NFIB: variants seen among roughly 807,000 people sequenced by gnomAD.
NFIB encodes nuclear factor I B, also known as nuclear factor 1 B-type.
NFIB carries 11 observed loss-of-function variants against 61.5 expected under a neutral mutation model. The ratio of observed to expected loss-of-function variants is 0.18; its 90% CI spans 0.11 to 0.30. The LOEUF (loss-of-function observed/expected upper bound fraction) is 0.30. NFIB is among the 10% of genes least tolerant of loss of function. The probability of loss-of-function intolerance (pLI) is 1.00; values close to 1 mark genes in which losing one functional copy is unlikely to be tolerated. For missense variants in NFIB, 471 were observed against 608.9 expected (o/e 0.77, Z 2.38); for synonymous variants, 260 against 216.5 (o/e 1.20, Z -1.76).
chr9:14,349,327 G>A (rs978471928), intron 1 of NFIB, among the ~76,000 whole-genome samples: 3 of 152,142 alleles, frequency 2.0e-5, no homozygotes, highest in African/African-American at 7.2e-5. Context: ...AGAATGGCAC[G>A]TATTTAACAA....
At chr9:14,232,316 G>C (rs373788717) in intron 2 of NFIB, among the ~76,000 whole-genome samples, 1 of 152,124 alleles carries the variant, frequency 6.6e-6, no homozygotes. Context: ...TAGGGATTAC[G>C]ACCCCGTCAC....
At chr9:14,398,281 C>T (rs943817173) in intron 1 of NFIB, among the ~76,000 whole-genome samples, 2 of 152,208 alleles carry the variant, frequency 1.3e-5, no homozygotes, top group Middle Eastern at 3.4e-3. Flanking sequence ...TTCTTTTCCC[C>T]GAAACATCTA....
the NFIB span, among the ~76,000 whole-genome samples, chr9:14,487,390 C>T: frequency 6.6e-6 from 1 of 152,180 alleles, no homozygotes; most frequent in East Asian, 1.9e-4. Flanking sequence ...CAGAGAGAAA[C>T]ACTTTTCAGA....
chr9:14,208,429 A>G, intron 2 of NFIB, among the ~76,000 whole-genome samples: 1 of 152,230 alleles, frequency 6.6e-6, no homozygotes, highest in South Asian at 2.1e-4. Context: ...TGGCAAAACA[A>G]GAAATTACTT....
chr9:14,245,993 G>A (rs1241107697), intron 2 of NFIB, among the ~76,000 whole-genome samples: 1 of 151,942 alleles, frequency 6.6e-6, no homozygotes, highest in Non-Finnish European at 1.5e-5. Flanking sequence ...CTCTAGAGGA[G>A]TGTTTTGAAG....
chr9:14,152,474 C>G (rs2042970547), intron 4 of NFIB, among the ~76,000 whole-genome samples: 1 of 152,036 alleles, frequency 6.6e-6, no homozygotes, highest in Non-Finnish European at 1.5e-5. Flanking sequence ...TTCAGGGGCT[C>G]AAGTGAAGTA....
chr9:14,204,466 A>G, intron 2 of NFIB: 1 of 1,039,040 alleles, frequency 9.6e-7, no homozygotes, highest in Non-Finnish European at 1.5e-6. Context: ...TCTATAAGCG[A>G]CTGAAAATGC....
In NFIB at chr9:14,307,441, C is replaced by T. The variant is rs773837618; in HGVS notation, c.110G>A (p.Arg37Gln). 10 of 1,613,684 alleles carry T rather than the reference C, an allele frequency of 6.2e-6. No homozygotes were observed. Among genetic ancestry groups the T allele is most frequent in the Non-Finnish European group, 5.9e-6 (7 of 1,179,994 alleles). ...ATGCTTTTTAAAGTACTTGCGTTTT[C>T]GAGCCTGCAGGTTGAACCAAGTATA... ...IAYTWFNLQA[R>Q]KRKYFKKHEK... Residue 37 changes from arginine (R) to glutamine (Q), a missense_variant, in exon 2 of 11, where the codon CGA becomes CAA. Around this residue, in one of 2 missense-constraint regions of NFIB, gnomAD observed 99 missense variants for 213.3 expected, o/e 0.46. Transcript: ENST00000380953. The surrounding 1 kb of genome is among the most constrained non-coding windows in gnomAD (Gnocchi z 5.3).
intron 2 of NFIB, among the ~76,000 whole-genome samples, chr9:14,190,827 G>A (rs1649232685): frequency 6.6e-6 from 1 of 152,194 alleles, no homozygotes; most frequent in South Asian, 2.1e-4. Context: ...CAAGCTCACA[G>A]AGACATGAAG....
At chr9:14,146,327 G>T (rs560645866) in intron 6 of NFIB, among the ~76,000 whole-genome samples, 5 of 151,946 alleles carry the variant, frequency 3.3e-5, no homozygotes, top group Admixed American at 6.6e-5. Context: ...TTAAAGTTTG[G>T]CTCCCTGCAA....
intron 2 of NFIB, chr9:14,306,037 T>C: frequency 1.1e-6 from 1 of 916,472 alleles, no homozygotes; most frequent in Admixed American, 3.2e-5. Flanking sequence ...GGAAAATATA[T>C]TAAGAAAAAT....
chr9:14,232,893 C>A (rs1227657117), intron 2 of NFIB, among the ~76,000 whole-genome samples: 2 of 152,196 alleles, frequency 1.3e-5, no homozygotes, highest in Non-Finnish European at 2.9e-5. Flanking sequence ...GGAGTGCCCA[C>A]CACCTATTTG....
chr9:14,123,375 C>G (rs1233267345), intron 7 of NFIB, among the ~76,000 whole-genome samples: 1 of 152,068 alleles, frequency 6.6e-6, no homozygotes, highest in Non-Finnish European at 1.5e-5. Context: ...TATTGCAAAG[C>G]CTTATTGTCT....
intron 10 of NFIB, among the ~76,000 whole-genome samples, chr9:14,097,353 G>C (rs906963550): frequency 5.9e-5 from 9 of 152,032 alleles, no homozygotes; most frequent in East Asian, 3.9e-4. Flanking sequence ...AAAAAGTTGA[G>C]GATTTGAACA....
At chr9:14,171,386 T>C (rs2045550771) in intron 3 of NFIB, among the ~76,000 whole-genome samples, 1 of 152,202 alleles carries the variant, frequency 6.6e-6, no homozygotes, top group Non-Finnish European at 1.5e-5. Flanking sequence ...GGTAGACATC[T>C]CTGACTCCAC....
the NFIB span, among the ~76,000 whole-genome samples, chr9:14,439,267 G>T: frequency 6.6e-6 from 1 of 152,176 alleles, no homozygotes. Flanking sequence ...ATACTTGGGA[G>T]GCTGAGGTGG....
At chr9:14,507,064 A>T in the NFIB span, among the ~76,000 whole-genome samples, 1 of 152,258 alleles carries the variant, frequency 6.6e-6, no homozygotes, top group African/African-American at 2.4e-5. Flanking sequence ...AACTTATTAA[A>T]ATCATTTAAA....
intron 1 of NFIB, among the ~76,000 whole-genome samples, chr9:14,360,699 T>A (rs1361097791): frequency 6.6e-6 from 1 of 151,916 alleles, no homozygotes; most frequent in Non-Finnish European, 1.5e-5. Context: ...CGCCCGCCAA[T>A]ACGCCCGGCT....
intron 2 of NFIB, among the ~76,000 whole-genome samples, chr9:14,205,989 C>T (rs2131675556): frequency 6.6e-6 from 1 of 152,128 alleles, no homozygotes; most frequent in East Asian, 1.9e-4. Context: ...AGAATAATTT[C>T]TCAGCATTAT....
Sources: gnomAD v4.1 joint callset for allele counts (sites outside exome capture counted in the v4.1 genomes callset) on GRCh38, gnomAD v4.1.1 for gene constraint, gnomAD v4.1.1 regional missense constraint, Gnocchi (gnomAD v3.1) non-coding constraint, MANE v1.5 for transcripts, NCBI Gene and HGNC (gene_info 2026-07-23, HGNC 2026-07-21) for gene names.